KALRN: variants seen among roughly 807,000 people sequenced by gnomAD.
The protein encoded by KALRN is kalirin.
A neutral mutation model predicts 353.7 loss-of-function variants in KALRN; 70 were observed. The observed-to-expected ratio is 0.20, with a 90% CI of 0.16 to 0.24. The LOEUF (loss-of-function observed/expected upper bound fraction) is 0.24, where lower values mean the gene tolerates loss of function less well. Among genes scored for constraint, KALRN ranks in the 10% least tolerant of loss-of-function variants. KALRN has a pLI of 1.00. For missense variants in KALRN, 2,791 were observed against 3,756.7 expected (o/e 0.74, Z 6.72); for synonymous variants, 1,391 against 1,434.8 (o/e 0.97, Z 0.69).
chr3:124,131,131 T>G (rs2065230079), intron 1 of KALRN, among the ~76,000 whole-genome samples: 2 of 152,204 alleles, frequency 1.3e-5, no homozygotes, highest in South Asian at 4.1e-4. Context: ...GAAGAGAGAT[T>G]GCTGAAGTGT....
At chr3:124,131,974 C>T (rs1162231676) in intron 1 of KALRN, among the ~76,000 whole-genome samples, 1 of 152,188 alleles carries the variant, frequency 6.6e-6, no homozygotes, top group Admixed American at 6.5e-5. Context: ...CCCACATAGC[C>T]AGTTCTCACT....
At chr3:124,609,631 C>A (rs1305368341) in intron 34 of KALRN, among the ~76,000 whole-genome samples, 2 of 152,184 alleles carry the variant, frequency 1.3e-5, no homozygotes, top group East Asian at 3.8e-4. Context: ...GAGAGTGAAT[C>A]CATTCCGGCA....
At chr3:124,608,100 C>A (rs577113454) in intron 34 of KALRN, among the ~76,000 whole-genome samples, 2 of 151,494 alleles carry the variant, frequency 1.3e-5, no homozygotes, top group African/African-American at 4.9e-5. Flanking sequence ...CCTCTGCCTG[C>A]CTGCTCAAGT....
At chr3:124,323,448 C>T (rs2079555660) in intron 6 of KALRN, among the ~76,000 whole-genome samples, 1 of 152,186 alleles carries the variant, frequency 6.6e-6, no homozygotes, top group African/African-American at 2.4e-5. Context: ...TCTTTGATCT[C>T]CTACAGCCCC....
intron 13 of KALRN, among the ~76,000 whole-genome samples, chr3:124,405,764 C>T (rs536556642): frequency 2.0e-5 from 3 of 151,852 alleles, no homozygotes; most frequent in East Asian, 1.9e-4. Context: ...CTGCCTCAGC[C>T]TCCTGAGTAG....
At chr3:124,653,824 C>A (rs2083681619) in intron 38 of KALRN, among the ~76,000 whole-genome samples, 2 of 152,190 alleles carry the variant, frequency 1.3e-5, no homozygotes, top group Non-Finnish European at 2.9e-5. Flanking sequence ...GAAAAACATG[C>A]CTTGTTGTCA....
Position 124,658,494 on chromosome 3 carries a change from G to A in KALRN, c.6100G>A (p.Ala2034Thr), listed in dbSNP as rs758725005. 2.5e-6 allele frequency: 4 copies of A among 1,613,874 alleles called. No individual in the cohort carries two copies. The Admixed American group carries it at 6.7e-5, about 27-fold the overall frequency. Residue 2034 changes from alanine (A) to threonine (T), a missense_variant, in exon 42 of 60, where the codon GCT (alanine) becomes ACT (threonine). Transcript: ENST00000682506. The stretch of plus-strand genomic sequence containing the variant: ...TAAGCCGCGCTCAGAGTACATCGTT[G>A]CTGAGTATGACGCCTACTTTGAGGT... Reference protein sequence around the residue: ...QNKPRSEYIVAEYDAYFEEVK... With the variant: ...QNKPRSEYIVTEYDAYFEEVK...
At chr3:124,473,960 T>G (rs1433324939) in intron 25 of KALRN, among the ~76,000 whole-genome samples, 1 of 152,220 alleles carries the variant, frequency 6.6e-6, no homozygotes, top group African/African-American at 2.4e-5. Context: ...TGTTAGAATT[T>G]ATATCCTATG....
intron 1 of KALRN, among the ~76,000 whole-genome samples, chr3:124,120,744 A>T (rs113731462): frequency 8.0e-4 from 111 of 138,046 alleles, no homozygotes; most frequent in African/African-American, 2.2e-3. Context: ...ATATATATAT[A>T]TTTTCACATA....
chr3:124,079,100 G>A (rs2149306798), intron 1 of KALRN, among the ~76,000 whole-genome samples: 1 of 152,320 alleles, frequency 6.6e-6, no homozygotes, highest in Admixed American at 6.5e-5. Flanking sequence ...GGAAGAGGCT[G>A]GGGTGTTTTT....
At chr3:124,324,826 G>A (rs2079708343) in intron 6 of KALRN, among the ~76,000 whole-genome samples, 1 of 152,188 alleles carries the variant, frequency 6.6e-6, no homozygotes. Flanking sequence ...AACTACATCT[G>A]AGCTAACAGA....
rs1292900054 is a variant in KALRN at position 124,368,908 on chromosome 3, G to A, written c.1771-15937G>A. On this transcript the variant is annotated intron_variant, in intron 10 of 59. Transcript: ENST00000682506. ...ACCCCATCTCCACCAAAACCAGTCA[G>A]GCGTGGTGGCGCGTGCCTGCAATCG... Among the ~76,000 whole-genome samples, 9 of 152,318 alleles carry A rather than the reference G, an allele frequency of 5.9e-5. No homozygotes were observed. In the East Asian group the frequency reaches 1.6e-3, roughly 26 times the overall value.
intron 47 of KALRN, 112 bp downstream of exon 47, chr3:124,667,295 G>A: frequency 2.2e-6 from 2 of 908,236 alleles, no homozygotes; most frequent in Non-Finnish European, 3.2e-6. Flanking sequence ...CATTTTATAG[G>A]TACTCCAACT....
intron 1 of KALRN, among the ~76,000 whole-genome samples, chr3:124,139,547 C>T (rs770394138): frequency 1.3e-5 from 2 of 152,116 alleles, no homozygotes; most frequent in Admixed American, 1.3e-4. Flanking sequence ...CAGTCCCTCT[C>T]TTGTTAGGGA....
intron 1 of KALRN, among the ~76,000 whole-genome samples, chr3:124,037,508 A>C (rs768138627): frequency 6.6e-6 from 1 of 152,204 alleles, no homozygotes; most frequent in Middle Eastern, 3.2e-3. Flanking sequence ...ATTCTGGGGC[A>C]GTAGGGAGTC....
At chr3:124,577,866 AAAACAAAC>A (rs36146228) in intron 34 of KALRN, among the ~76,000 whole-genome samples, 3 of 50,270 alleles carry the variant, frequency 6.0e-5, no homozygotes, top group Non-Finnish European at 9.9e-5. Context: ...CCTCCAAAAC[AAAACAAAC>A]AAACAAACAA....
intron 1 of KALRN, among the ~76,000 whole-genome samples, chr3:124,223,068 T>C (rs2078093372): frequency 6.6e-6 from 1 of 151,340 alleles, no homozygotes; most frequent in Admixed American, 6.6e-5. Context: ...TTTTTTTTAG[T>C]CTCCTTGCAT....
chr3:124,113,562 C>T (rs1400188506), intron 1 of KALRN, among the ~76,000 whole-genome samples: 3 of 152,198 alleles, frequency 2.0e-5, no homozygotes, highest in Admixed American at 6.5e-5. Context: ...GGGGAAACTT[C>T]AGCTTCAGGC....
chr3:124,169,415 C>G (rs896855273), intron 1 of KALRN, among the ~76,000 whole-genome samples: 1 of 152,162 alleles, frequency 6.6e-6, no homozygotes, highest in Non-Finnish European at 1.5e-5. Flanking sequence ...AACTGCCTAT[C>G]TCTCTTTAAT....
Sources: gnomAD v4.1 joint callset for allele counts (sites outside exome capture counted in the v4.1 genomes callset) on GRCh38, gnomAD v4.1.1 for gene constraint, MANE v1.5 for transcripts, NCBI Gene and HGNC (gene_info 2026-07-23, HGNC 2026-07-21) for gene names.